GSE1: variants seen among roughly 807,000 people sequenced by gnomAD.
GSE1 encodes the protein Gse1 coiled-coil protein.
Under a neutral mutation model 112.6 loss-of-function variants are expected in GSE1, and 32 were observed. The observed-to-expected ratio is 0.28, with a 90% CI of 0.21 to 0.38. The LOEUF (loss-of-function observed/expected upper bound fraction) is 0.38. Among genes scored for constraint, GSE1 ranks in the 10% least tolerant of loss-of-function variants. The probability of loss-of-function intolerance (pLI) is 1.00; values close to 1 mark genes in which losing one functional copy is unlikely to be tolerated. For synonymous variants in GSE1, 1,115 were observed against 735.6 expected (o/e 1.52, Z -8.35); for missense variants, 2,348 against 1,699.2 (o/e 1.38, Z -6.71).
chr16:85,321,314 C>T (rs1222357730), intron 1 of GSE1, among the ~76,000 whole-genome samples: 1 of 152,146 alleles, frequency 6.6e-6, no homozygotes, highest in Non-Finnish European at 1.5e-5. Flanking sequence ...AGCTGCAGCA[C>T]AAGGAGAGAG....
intron 1 of GSE1, among the ~76,000 whole-genome samples, chr16:85,588,520 T>G (rs2046815882): frequency 6.6e-6 from 1 of 152,158 alleles, no homozygotes; most frequent in Non-Finnish European, 1.5e-5. Flanking sequence ...CGGCCAGTGC[T>G]CCAAATGAGG....
At chr16:85,286,715 T>G (rs1392292178) in intron 1 of GSE1, among the ~76,000 whole-genome samples, 1 of 152,190 alleles carries the variant, frequency 6.6e-6, no homozygotes, top group Non-Finnish European at 1.5e-5. Flanking sequence ...TTTTTTTTTT[T>G]TTTTTGAAAG....
At chr16:85,362,247 C>T (rs2047098208) in intron 2 of GSE1, among the ~76,000 whole-genome samples, 1 of 152,246 alleles carries the variant, frequency 6.6e-6, no homozygotes, top group African/African-American at 2.4e-5. Context: ...TTGAGCTCAT[C>T]TCTTTCCAAT....
intron 1 of GSE1, among the ~76,000 whole-genome samples, chr16:85,193,957 GTGTGTGTGTGTGCGCGCGCGTGTT>G (rs2074877918): frequency 6.6e-6 from 1 of 151,932 alleles, no homozygotes; most frequent in South Asian, 2.1e-4. Flanking sequence ...ACATGCACTT[GTGTGTGTGTGTGCGCGCGCGTGTT>G]TGTGTGTGCG....
chr16:85,309,060 C>T (rs1234804181), intron 1 of GSE1, among the ~76,000 whole-genome samples: 1 of 151,580 alleles, frequency 6.6e-6, no homozygotes, highest in Non-Finnish European at 1.5e-5. Flanking sequence ...GCCTGAGTCT[C>T]TGCATTTCTG....
chr16:85,284,070 C>G (rs572190134), intron 1 of GSE1, among the ~76,000 whole-genome samples: 1 of 152,264 alleles, frequency 6.6e-6, no homozygotes, highest in South Asian at 2.1e-4. Context: ...AATGCATGCC[C>G]GTGGCTGTGG....
chr16:85,525,993 G>A (rs2052353205), intron 2 of GSE1, among the ~76,000 whole-genome samples: 2 of 152,158 alleles, frequency 1.3e-5, no homozygotes, highest in Admixed American at 1.3e-4. Flanking sequence ...AGAAAGGCAG[G>A]GACCTGCCAG....
chr16:85,169,898 C>G (rs2143098556), exon 1 of GSE1: 1 of 984,362 alleles, frequency 1.0e-6, no homozygotes, highest in East Asian at 1.1e-4. Context: ...GACGCGGGCG[C>G]AGGCGGCCGC....
At chr16:85,578,244 C>T (rs1387720081) in intron 1 of GSE1, among the ~76,000 whole-genome samples, 1 of 152,228 alleles carries the variant, frequency 6.6e-6, no homozygotes, top group Non-Finnish European at 1.5e-5. Context: ...TGCGGCTTCC[C>T]CCAGGTTTTA....
chr16:85,186,206 C>CA (rs1316312641), intron 1 of GSE1, among the ~76,000 whole-genome samples: 3 of 152,170 alleles, frequency 2.0e-5, no homozygotes, highest in Non-Finnish European at 4.4e-5. Context: ...TACAGTGGCT[C>CA]ACGTCTGTAA....
intron 2 of GSE1, among the ~76,000 whole-genome samples, chr16:85,395,971 A>T (rs1044052092): frequency 2.0e-5 from 3 of 152,334 alleles, no homozygotes; most frequent in African/African-American, 7.2e-5. Flanking sequence ...CCCGGCTGGT[A>T]TGTCCTCTGA....
chr16:85,533,706 A>C (rs2044216631), intron 2 of GSE1, among the ~76,000 whole-genome samples: 1 of 152,062 alleles, frequency 6.6e-6, no homozygotes, highest in African/African-American at 2.4e-5. Context: ...TCTACAAAAA[A>C]TTTTAAAAAC....
chr16:85,227,965 CAG>C (rs1437455977), intron 1 of GSE1, among the ~76,000 whole-genome samples: 1 of 152,080 alleles, frequency 6.6e-6, no homozygotes. Flanking sequence ...GGGAGTGAAA[CAG>C]GGAATACCTC....
At position 85,674,928 on chromosome 16, in the gene GSE1, A is replaced by G. The variant is rs1359968012; in HGVS notation, c.*2389A>G. 86 of 152,672 alleles carry G rather than the reference A, an allele frequency of 5.6e-4. 1 individual carries two copies. Among genetic ancestry groups the G allele is most frequent in the Admixed American group, 5.6e-3 (86 of 15,290 alleles). 9.5% of individuals were successfully genotyped at this position (152,672 alleles called of 1,614,324 possible). ...GTACTCTACTCTTGCTCAAGAAGTA[A>G]TACGACAATCAGAATACAAACCAGT... On this transcript the variant is annotated 3_prime_UTR_variant, in exon 16 of 16. Transcript: ENST00000253458.
Position 85,661,279 on chromosome 16 carries a change from G to C in GSE1, c.1774G>C (p.Asp592His). The change falls in exon 9 of 16, where the codon GAC (aspartate) becomes CAC (histidine). Residue 592 changes from aspartate (D) to histidine (H), a missense_variant. Transcript: ENST00000253458. ...CCTCTGGAACCCCGTGTCCCTGATG[G>C]ACAACACCTTGGAGACGCGGCGGGC... ...TALWNPVSLMDNTLETRRAES... is the reference protein window; with the variant it reads ...TALWNPVSLMHNTLETRRAES... 1 of 1,612,922 alleles carries C rather than the reference G, an allele frequency of 6.2e-7. No individual in the cohort carries two copies. The highest frequency in any genetic ancestry group is 8.5e-7 in the Non-Finnish European group (1 of 1,179,994).
At chr16:85,298,863 G>A (rs565378655) in intron 1 of GSE1, among the ~76,000 whole-genome samples, 2 of 152,248 alleles carry the variant, frequency 1.3e-5, no homozygotes, top group Non-Finnish European at 1.5e-5. Flanking sequence ...GAGTGGGTGT[G>A]GGGGAGCATA....
At chr16:85,478,285 G>T (rs943357075) in intron 2 of GSE1, among the ~76,000 whole-genome samples, 1 of 152,080 alleles carries the variant, frequency 6.6e-6, no homozygotes, top group Admixed American at 6.6e-5. Context: ...GCAGCACCTT[G>T]GGAGGCCGAG....
At chr16:85,295,475 C>T (rs968455305) in intron 1 of GSE1, among the ~76,000 whole-genome samples, 3 of 152,248 alleles carry the variant, frequency 2.0e-5, no homozygotes, top group African/African-American at 4.8e-5. Context: ...CGCCGATGGC[C>T]GTTTGGGCTG....
At chr16:85,348,639 A>C (rs762980710) in intron 1 of GSE1, among the ~76,000 whole-genome samples, 1 of 152,102 alleles carries the variant, frequency 6.6e-6, no homozygotes, top group Non-Finnish European at 1.5e-5. Flanking sequence ...ACCTCTGCCC[A>C]CTTTCTGTCC....
Sources: gnomAD v4.1 joint callset for allele counts (sites outside exome capture counted in the v4.1 genomes callset) on GRCh38, gnomAD v4.1.1 for gene constraint, MANE v1.5 for transcripts, NCBI Gene and HGNC (gene_info 2026-07-23, HGNC 2026-07-21) for gene names.